Variants in CYP7B1 observed in about 807,000 individuals in gnomAD.
CYP7B1 encodes the protein cytochrome P450 family 7 subfamily B member 1.
A neutral mutation model predicts 42.7 loss-of-function variants in CYP7B1; 29 were observed. That is an observed-to-expected ratio of 0.68 (90% CI 0.51 to 0.93). The LOEUF (loss-of-function observed/expected upper bound fraction) is 0.93, where lower values mean the gene tolerates loss of function less well. CYP7B1 is among the 40% of genes least tolerant of loss of function. The pLI is 0.00. For missense variants in CYP7B1, 655 were observed against 600.5 expected (o/e 1.09, Z -0.95); for synonymous variants, 235 against 218.2 (o/e 1.08, Z -0.68).
intron 1 of CYP7B1, among the ~76,000 whole-genome samples, chr8:64,730,921 GA>G (rs1807399571): frequency 1.3e-5 from 2 of 152,112 alleles, no homozygotes; most frequent in African/African-American, 4.8e-5. Context: ...CTGGTCTCAT[GA>G]TACTGAGTGA....
chr8:64,644,506 C>A (rs534592378), intron 1 of CYP7B1, among the ~76,000 whole-genome samples: 2 of 152,216 alleles, frequency 1.3e-5, no homozygotes, highest in Admixed American at 1.3e-4. Flanking sequence ...AAAATTACTC[C>A]TTCATCCATA....
intron 1 of CYP7B1, among the ~76,000 whole-genome samples, chr8:64,687,843 AAAAGCCTCGC>A (rs1337301752): frequency 3.9e-5 from 6 of 152,212 alleles, no homozygotes; most frequent in Admixed American, 6.5e-5. Flanking sequence ...GTGTAATAAT[AAAAGCCTCGC>A]TCGTTACTTA....
At chr8:64,750,477 T>C (rs1187951531) in intron 1 of CYP7B1, among the ~76,000 whole-genome samples, 2 of 152,238 alleles carry the variant, frequency 1.3e-5, no homozygotes, top group East Asian at 3.8e-4. Flanking sequence ...AAAATTAAGT[T>C]GCAAAGAAGA....
At chr8:64,713,535 A>T (rs1807111499) in intron 1 of CYP7B1, among the ~76,000 whole-genome samples, 1 of 152,190 alleles carries the variant, frequency 6.6e-6, no homozygotes, top group Non-Finnish European at 1.5e-5. Flanking sequence ...GATACAAAAA[A>T]TGAAAATATT....
chr8:64,629,842 GA>G (rs1391781233), intron 1 of CYP7B1, among the ~76,000 whole-genome samples: 1 of 152,220 alleles, frequency 6.6e-6, no homozygotes, highest in African/African-American at 2.4e-5. Context: ...AGGATATCGG[GA>G]AGAGGAGTAT....
chr8:64,678,201 T>G (rs569992401), intron 1 of CYP7B1, among the ~76,000 whole-genome samples: 1 of 152,204 alleles, frequency 6.6e-6, no homozygotes, highest in East Asian at 1.9e-4. Context: ...TAGTCAATGC[T>G]CAAATTCCTG....
chr8:64,762,654 A>C (rs1464786760), intron 1 of CYP7B1, among the ~76,000 whole-genome samples: 1 of 152,246 alleles, frequency 6.6e-6, no homozygotes, highest in African/African-American at 2.4e-5. Flanking sequence ...ATATTTCAAT[A>C]GCTCACATCC....
intron 1 of CYP7B1, among the ~76,000 whole-genome samples, chr8:64,764,398 G>C (rs906171104): frequency 1.3e-5 from 2 of 152,112 alleles, no homozygotes; most frequent in African/African-American, 4.8e-5. Context: ...CACAGAGAGA[G>C]AAAGAAGGGA....
At chr8:64,758,801 CTG>C (rs1470068227) in intron 1 of CYP7B1, among the ~76,000 whole-genome samples, 2 of 152,138 alleles carry the variant, frequency 1.3e-5, no homozygotes, top group East Asian at 3.8e-4. Flanking sequence ...AACCAGAGTA[CTG>C]TTTCAATAGT....
At chr8:64,774,490 C>T (rs914130615) in intron 1 of CYP7B1, among the ~76,000 whole-genome samples, 17 of 152,112 alleles carry the variant, frequency 1.1e-4, no homozygotes, top group African/African-American at 3.9e-4. Context: ...GTAGCCTTAA[C>T]TCTCCTCCTT....
intron 1 of CYP7B1, among the ~76,000 whole-genome samples, chr8:64,755,415 T>C (rs754208522): frequency 6.6e-5 from 10 of 152,124 alleles, no homozygotes; most frequent in Non-Finnish European, 8.8e-5. Flanking sequence ...TTTATTTTTA[T>C]TTTTTATTTA....
chr8:64,760,734 C>A (rs962570839), intron 1 of CYP7B1, among the ~76,000 whole-genome samples: 1 of 152,014 alleles, frequency 6.6e-6, no homozygotes, highest in South Asian at 2.1e-4. Context: ...AGAGGGAATT[C>A]TTGTACACTG....
intron 1 of CYP7B1, among the ~76,000 whole-genome samples, chr8:64,682,375 G>A (rs1372017137): frequency 6.6e-6 from 1 of 152,176 alleles, no homozygotes; most frequent in East Asian, 1.9e-4. Flanking sequence ...ATTTTTTAAA[G>A]TAGGAAAGTG....
At chr8:64,659,543 A>T in intron 1 of CYP7B1, among the ~76,000 whole-genome samples, 1 of 152,350 alleles carries the variant, frequency 6.6e-6, no homozygotes, top group East Asian at 1.9e-4. Context: ...AGCATAATTT[A>T]TCTGATTTCC....
At chr8:64,600,114 G>A (rs1431825635) in intron 5 of CYP7B1, among the ~76,000 whole-genome samples, 1 of 152,176 alleles carries the variant, frequency 6.6e-6, no homozygotes, top group African/African-American at 2.4e-5. Context: ...GATATTGAAT[G>A]AGTAAATAAA....
intron 1 of CYP7B1, among the ~76,000 whole-genome samples, chr8:64,691,660 G>A (rs1042634596): frequency 1.3e-5 from 2 of 152,174 alleles, no homozygotes; most frequent in Non-Finnish European, 2.9e-5. Flanking sequence ...CTCCACTTTA[G>A]TGTAGCCTGA....
At chr8:64,663,092 A>T (rs1806222667) in intron 1 of CYP7B1, among the ~76,000 whole-genome samples, 1 of 152,202 alleles carries the variant, frequency 6.6e-6, no homozygotes, top group Non-Finnish European at 1.5e-5. Context: ...TTTCAGGTTT[A>T]GTTCTAACAA....
At chr8:64,588,039 A>G (rs1399219738), downstream of CYP7B1, among the ~76,000 whole-genome samples, 1 of 152,194 alleles carries the variant, frequency 6.6e-6, no homozygotes, top group East Asian at 1.9e-4. Context: ...CCTCAACCTG[A>G]TTCAGAGATG....
chr8:64,739,871 T>C (rs1353948037), intron 1 of CYP7B1, among the ~76,000 whole-genome samples: 1 of 152,112 alleles, frequency 6.6e-6, no homozygotes, highest in Non-Finnish European at 1.5e-5. Context: ...TGGATTGAAA[T>C]ATTTAAAGTG....
Sources: allele counts gnomAD v4.1 joint callset (sites outside exome capture counted in the v4.1 genomes callset), GRCh38; gene constraint gnomAD v4.1.1; transcripts MANE v1.5; gene names NCBI Gene and HGNC (gene_info 2026-07-23, HGNC 2026-07-21).